GPATCH8: variants seen among roughly 807,000 people sequenced by gnomAD.
GPATCH8 encodes G-patch domain containing 8.
Under a neutral mutation model 118.3 loss-of-function variants are expected in GPATCH8, and 18 were observed. The ratio of observed to expected loss-of-function variants is 0.15; its 90% CI spans 0.11 to 0.23. The LOEUF (loss-of-function observed/expected upper bound fraction) is 0.23, where lower values mean the gene tolerates loss of function less well. Among genes scored for constraint, GPATCH8 ranks in the 10% least tolerant of loss-of-function variants. The pLI is 1.00. For missense variants in GPATCH8, 1,631 were observed against 1,873.8 expected (o/e 0.87, Z 2.39); for synonymous variants, 659 against 684.7 (o/e 0.96, Z 0.59).
chr17:44,429,962 C>T (rs2143969734), intron 5 of GPATCH8, among the ~76,000 whole-genome samples: 1 of 152,128 alleles, frequency 6.6e-6, no homozygotes, highest in Non-Finnish European at 1.5e-5. Flanking sequence ...CCGGGAGGCA[C>T]AGGTTGCTGT....
At chr17:44,498,075 G>A (rs886094573) in intron 1 of GPATCH8, among the ~76,000 whole-genome samples, 2 of 152,146 alleles carry the variant, frequency 1.3e-5, no homozygotes, top group African/African-American at 4.8e-5. Context: ...TATTACATAT[G>A]TATCTTGAAA....
chr17:44,436,442 T>C lies in GPATCH8; in HGVS notation c.261+36A>G, dbSNP rs746261023. The C allele has an allele frequency of 2.4e-5, 21 of 882,726 alleles. No homozygotes were observed. The Admixed American group carries it at 3.4e-4, about 14-fold the overall frequency. The allele number at this position is 882,726 out of a possible 1,614,324, so 54.7% of individuals were successfully genotyped here. ...TTGGAATTAGTATTATTTCAAAATATCTCACAAAACTTATGAGTTAATGAG... is the reference window on the plus strand; with the variant it reads ...TTGGAATTAGTATTATTTCAAAATACCTCACAAAACTTATGAGTTAATGAG... On this transcript the variant is annotated intron_variant, in intron 4 of 7. Transcript: ENST00000591680.
chr17:44,470,214 C>T (rs1159968991), intron 2 of GPATCH8, among the ~76,000 whole-genome samples: 1 of 152,138 alleles, frequency 6.6e-6, no homozygotes, highest in East Asian at 1.9e-4. Context: ...TCTGATCCCT[C>T]ATCTTTTTTT....
At chr17:44,405,801 G>T in intron 7 of GPATCH8, 120 bp downstream of exon 7, 1 of 815,660 alleles carries the variant, frequency 1.2e-6, no homozygotes, top group Non-Finnish European at 1.9e-6. Flanking sequence ...ACTGCGCCTG[G>T]CACAAGGTTT....
intron 6 of GPATCH8, among the ~76,000 whole-genome samples, chr17:44,417,287 C>G (rs1160106566): frequency 6.6e-6 from 1 of 152,186 alleles, no homozygotes; most frequent in Non-Finnish European, 1.5e-5. Flanking sequence ...AAAGCAGTTG[C>G]AAACAGTTTA....
At chr17:44,406,220 G>A (rs999936529) in intron 6 of GPATCH8, among the ~76,000 whole-genome samples, 169 bp from the exon 7 acceptor site, 1 of 151,982 alleles carries the variant, frequency 6.6e-6, no homozygotes, top group Non-Finnish European at 1.5e-5. Context: ...GATTACTTTG[G>A]GTATAGCACT....
At chr17:44,496,592 T>G (rs1397497951) in intron 1 of GPATCH8, among the ~76,000 whole-genome samples, 1 of 152,186 alleles carries the variant, frequency 6.6e-6, no homozygotes, top group Non-Finnish European at 1.5e-5. Context: ...ACCTCAAAAC[T>G]ATCACAAGAA....
At chr17:44,491,156 A>G (rs891739564) in intron 1 of GPATCH8, among the ~76,000 whole-genome samples, 4 of 152,204 alleles carry the variant, frequency 2.6e-5, no homozygotes, top group African/African-American at 9.7e-5. Flanking sequence ...CTCTAGAGAG[A>G]TGTTCTTAGC....
chr17:44,402,994 T>C (rs550383961), intron 7 of GPATCH8, among the ~76,000 whole-genome samples: 4 of 152,106 alleles, frequency 2.6e-5, no homozygotes, highest in East Asian at 1.9e-4. Flanking sequence ...TCATAGCTCA[T>C]TGCAGTCTCA....
chr17:44,464,172 T>C (rs2051669985), intron 3 of GPATCH8, among the ~76,000 whole-genome samples: 1 of 152,132 alleles, frequency 6.6e-6, no homozygotes, highest in African/African-American at 2.4e-5. Flanking sequence ...GCATTCCTTT[T>C]ACTCCACTCA....
intron 1 of GPATCH8, among the ~76,000 whole-genome samples, chr17:44,483,383 T>C (rs1968495462): frequency 6.9e-6 from 1 of 145,666 alleles, no homozygotes; most frequent in Non-Finnish European, 1.5e-5. Flanking sequence ...CCTGAGTAGC[T>C]GGGACTACAG....
chr17:44,500,045 G>C (rs1969946874), intron 1 of GPATCH8, among the ~76,000 whole-genome samples: 1 of 152,084 alleles, frequency 6.6e-6, no homozygotes, highest in African/African-American at 2.4e-5. Context: ...GACAGATCTG[G>C]ACAAAACCAA....
intron 6 of GPATCH8, among the ~76,000 whole-genome samples, chr17:44,412,999 G>C (rs2049504700): frequency 6.6e-6 from 1 of 152,162 alleles, no homozygotes; most frequent in African/African-American, 2.4e-5. Flanking sequence ...GATATCACCA[G>C]GTGGTGGGTG....
chr17:44,472,400 C>T (rs931192243), intron 2 of GPATCH8, among the ~76,000 whole-genome samples: 30 of 152,290 alleles, frequency 2.0e-4, no homozygotes, highest in African/African-American at 7.2e-4. Context: ...ATAGCATTAG[C>T]CTCATGTGCC....
chr17:44,401,022 C>T lies in GPATCH8; in HGVS notation c.1055G>A (p.Ser352Asn), dbSNP rs1567935797. The change falls in exon 8 of 8, where the codon AGC becomes AAC. Residue 352 changes from serine (S) to asparagine (N), a missense_variant. By Grantham distance (46) the Ser-to-Asn change is conservative. Transcript: ENST00000591680. ...CTCTTTTTTACCATCAAGATTACTG[C>T]TCCCATCAGAGTCTCCTACCTTCTG... Reference protein sequence around the residue: ...GLQKVGDSDGSSNLDGKKEDE... With the variant: ...GLQKVGDSDGNSNLDGKKEDE... 7 of 1,614,008 alleles carry T rather than the reference C, an allele frequency of 4.3e-6. No homozygotes were observed. Among genetic ancestry groups the T allele is most frequent in the Non-Finnish European group, 5.9e-6 (7 of 1,179,884 alleles).
intron 1 of GPATCH8, among the ~76,000 whole-genome samples, chr17:44,492,162 G>A (rs556226071): frequency 8.4e-4 from 127 of 151,912 alleles, no homozygotes; most frequent in Non-Finnish European, 1.5e-3. Flanking sequence ...TTAGCCAGGC[G>A]TGGTGGCGGG....
At chr17:44,467,753 A>G (rs1966914273) in intron 2 of GPATCH8, among the ~76,000 whole-genome samples, 1 of 152,208 alleles carries the variant, frequency 6.6e-6, no homozygotes, top group African/African-American at 2.4e-5. Flanking sequence ...CCTTCCTATC[A>G]GTAAAAGAAA....
At position 44,396,296 on chromosome 17, in the gene GPATCH8, T is replaced by C. The variant is rs1276290597; in HGVS notation, c.*1272A>G. On this transcript the variant is annotated 3_prime_UTR_variant, in exon 8 of 8. Transcript: ENST00000591680. ...CAATAAAGCTGTTGAATCCCCTCCTTCTCCTCTGTGGGGTCTACCTGTTTC... is the reference window on the plus strand; with the variant it reads ...CAATAAAGCTGTTGAATCCCCTCCTCCTCCTCTGTGGGGTCTACCTGTTTC... 2 of 454,326 alleles carry C rather than the reference T, an allele frequency of 4.4e-6. No homozygotes were observed. The highest frequency in any genetic ancestry group is 3.1e-5 in the South Asian group (2 of 64,446). 28.1% of individuals were successfully genotyped at this position (454,326 alleles called of 1,614,324 possible).
chr17:44,476,810 T>G (rs1322669867), intron 1 of GPATCH8, among the ~76,000 whole-genome samples: 1 of 152,160 alleles, frequency 6.6e-6, no homozygotes, highest in Non-Finnish European at 1.5e-5. Flanking sequence ...GCAACTAAAA[T>G]AAGTAAAAAC....
Sources: gnomAD v4.1 joint callset for allele counts (sites outside exome capture counted in the v4.1 genomes callset) on GRCh38, gnomAD v4.1.1 for gene constraint, MANE v1.5 for transcripts, NCBI Gene and HGNC (gene_info 2026-07-23, HGNC 2026-07-21) for gene names.